FTO: variants seen among roughly 807,000 people sequenced by gnomAD.
The protein encoded by FTO is alpha-ketoglutarate-dependent dioxygenase FTO.
Under a neutral mutation model 63.9 loss-of-function variants are expected in FTO, and 47 were observed. The ratio of observed to expected loss-of-function variants is 0.74; its 90% CI spans 0.58 to 0.94. The LOEUF (loss-of-function observed/expected upper bound fraction) is 0.94. Among genes scored for constraint, FTO ranks in the 40% least tolerant of loss-of-function variants. FTO has a pLI of 0.00. For synonymous variants in FTO, 207 were observed against 224.4 expected (o/e 0.92, Z 0.69); for missense variants, 562 against 618.1 (o/e 0.91, Z 0.96).
chr16:53,950,434 A>G (rs575931113), intron 8 of FTO, among the ~76,000 whole-genome samples: 112 of 152,300 alleles, frequency 7.4e-4, no homozygotes, highest in Middle Eastern at 3.4e-3. Flanking sequence ...ATGTTTTACA[A>G]TTGTATAGCT....
At chr16:53,950,496 TGTC>T (rs375869426) in intron 8 of FTO, among the ~76,000 whole-genome samples, 1 of 152,312 alleles carries the variant, frequency 6.6e-6, no homozygotes, top group African/African-American at 2.4e-5. Context: ...CAGTGATAAA[TGTC>T]GTAGATATAT....
intron 8 of FTO, chr16:53,937,141 A>G (rs1316204083): frequency 7.5e-6 from 3 of 397,528 alleles, no homozygotes; most frequent in African/African-American, 6.2e-5. Context: ...CAACCCAGCG[A>G]CTCTAGAGGC....
chr16:54,019,843 G>A (rs188590050), intron 8 of FTO, among the ~76,000 whole-genome samples: 1 of 152,248 alleles, frequency 6.6e-6, no homozygotes, highest in East Asian at 1.9e-4. Flanking sequence ...GCACAGCGTA[G>A]CATTTTGAAC....
At chr16:53,898,099 G>A (rs567530433) in intron 7 of FTO, among the ~76,000 whole-genome samples, 12 of 152,168 alleles carry the variant, frequency 7.9e-5, no homozygotes, top group Admixed American at 5.9e-4. Flanking sequence ...TCAGGTCGTC[G>A]TTTCACTCCC....
chr16:53,914,961 C>A (rs1181120462), intron 7 of FTO, among the ~76,000 whole-genome samples: 1 of 152,160 alleles, frequency 6.6e-6, no homozygotes, highest in Non-Finnish European at 1.5e-5. Context: ...TTAATGTATA[C>A]CCCAGCCATG....
At chr16:53,849,170 G>A (rs961434798) in intron 4 of FTO, among the ~76,000 whole-genome samples, 9 of 152,174 alleles carry the variant, frequency 5.9e-5, no homozygotes, top group African/African-American at 2.2e-4. Context: ...CAGACTCACC[G>A]CATTGTCAAT....
rs764575501 is a variant in FTO, at chr16:53,826,492, G to A, written c.751+1G>A. On this transcript the variant is annotated splice_donor_variant, in intron 3 of 8. Transcript: ENST00000471389. LOFTEE classifies it high-confidence loss of function. ...GCAGTGTACAGTTATAGCTGTGAAG[G>A]TACAGTCTGCTCTTGGAAAAAGCAG... 18 of 1,614,046 alleles carry A rather than the reference G, an allele frequency of 1.1e-5. No individual in the cohort carries two copies. In the South Asian group the frequency reaches 1.9e-4, roughly 17 times the overall value.
intron 2 of FTO, 100 bp from the exon 3 acceptor site, chr16:53,825,764 C>T: frequency 1.5e-6 from 2 of 1,358,082 alleles, no homozygotes; most frequent in Admixed American, 1.7e-5. Context: ...CCAGGTAGTC[C>T]CCCCACAACT....
intron 8 of FTO, among the ~76,000 whole-genome samples, chr16:54,103,683 T>A (rs2086686905): frequency 6.6e-6 from 1 of 152,212 alleles, no homozygotes; most frequent in Non-Finnish European, 1.5e-5. Context: ...TTATGATAGC[T>A]GTAAGTATGA....
At chr16:53,743,616 T>A (rs1195237353) in intron 1 of FTO, among the ~76,000 whole-genome samples, 1 of 149,952 alleles carries the variant, frequency 6.7e-6, no homozygotes, top group African/African-American at 2.5e-5. Flanking sequence ...TGTTTGCAGA[T>A]AATTTTAGGC....
intron 8 of FTO, among the ~76,000 whole-genome samples, chr16:54,042,129 C>T (rs550264486): frequency 1.3e-5 from 2 of 152,088 alleles, no homozygotes; most frequent in Admixed American, 1.3e-4. Flanking sequence ...AGGAACAGCT[C>T]CGGTCTACAG....
At chr16:53,897,534 A>T (rs2081304840) in intron 7 of FTO, among the ~76,000 whole-genome samples, 1 of 152,206 alleles carries the variant, frequency 6.6e-6, no homozygotes, top group African/African-American at 2.4e-5. Context: ...ACAAATTATG[A>T]AATATCCAGA....
chr16:53,834,022 CT>C (rs961062799), intron 3 of FTO, among the ~76,000 whole-genome samples: 25 of 147,506 alleles, frequency 1.7e-4, no homozygotes, highest in African/African-American at 3.5e-4. Context: ...GATAGCTGAA[CT>C]TTTTTTTTTT....
intron 1 of FTO, among the ~76,000 whole-genome samples, chr16:53,761,569 CA>C (rs1164568862): frequency 6.6e-6 from 1 of 152,144 alleles, no homozygotes; most frequent in African/African-American, 2.4e-5. Context: ...CGTAAGAAAA[CA>C]AAATTTAATA....
chr16:53,938,340 G>A (rs572929696), intron 8 of FTO, among the ~76,000 whole-genome samples: 1 of 152,318 alleles, frequency 6.6e-6, no homozygotes, highest in South Asian at 2.1e-4. Flanking sequence ...GCCAACAATG[G>A]ATGGGGTCAC....
In FTO at chr16:53,832,324, A is replaced by G. The variant is rs115087769; in HGVS notation, c.751+5833A>G. Among the ~76,000 whole-genome samples, 577 of 152,348 alleles carry G rather than the reference A, an allele frequency of 3.8e-3. 5 individuals are homozygous for G. The highest frequency in any genetic ancestry group is 0.013 in the African/African-American group (542 of 41,582). On this transcript the variant is annotated intron_variant, in intron 3 of 8. Coordinates refer to ENST00000471389, the MANE Select transcript of FTO (RefSeq NM_001080432.3). ...TAAGTTTCAACACACCTGTGAAACT[A>G]TCCCCACTATCAAGATAATGAACAT...
chr16:53,737,276 C>T (rs1250505849), intron 1 of FTO, among the ~76,000 whole-genome samples: 1 of 152,160 alleles, frequency 6.6e-6, no homozygotes, highest in Non-Finnish European at 1.5e-5. Flanking sequence ...TACATACACA[C>T]ATATACAATC....
intron 8 of FTO, among the ~76,000 whole-genome samples, chr16:54,097,478 C>G (rs1160114019): frequency 2.0e-5 from 3 of 152,120 alleles, no homozygotes; most frequent in East Asian, 3.9e-4. Context: ...GTAGCTGGTA[C>G]TACAGGGTAC....
rs911349523 is a variant in FTO, at chr16:53,925,868, C to A, written c.1240-8117C>A. On this transcript the variant is annotated intron_variant, in intron 7 of 8. Transcript: ENST00000471389. ...TCCGTTCAGAATTGGGAGACTTTTT[C>A]CAAGAAAGACAGGAAACTTAAGCAT... 2.0e-5 allele frequency among the ~76,000 whole-genome samples: 3 copies of A among 152,102 alleles called. No homozygotes were observed. In the East Asian group the frequency reaches 5.8e-4, roughly 29 times the overall value.
Sources: gnomAD v4.1 joint callset for allele counts (sites outside exome capture counted in the v4.1 genomes callset) on GRCh38, gnomAD v4.1.1 for gene constraint, MANE v1.5 for transcripts, NCBI Gene and HGNC (gene_info 2026-07-23, HGNC 2026-07-21) for gene names.